Variants in OSBPL7 observed in about 807,000 individuals in gnomAD.
OSBPL7 encodes oxysterol binding protein like 7.
A neutral mutation model predicts 115.8 loss-of-function variants in OSBPL7; 66 were observed. That is an observed-to-expected ratio of 0.57 (90% CI 0.47 to 0.70). The LOEUF is 0.70. OSBPL7 is among the 30% of genes least tolerant of loss of function. The pLI is 0.00. For synonymous variants in OSBPL7, 441 were observed against 439.2 expected (o/e 1.00, Z -0.05); for missense variants, 902 against 1,125.5 (o/e 0.80, Z 2.84).
chr17:47,815,957 C>CGCTT (rs2033200806), intron 12 of OSBPL7, 150 bp downstream of exon 12: 2 of 628,298 alleles, frequency 3.2e-6, no homozygotes, highest in Non-Finnish European at 5.5e-6. Context: ...ATGGGGCTGC[C>CGCTT]GCTTACCTTA....
chr17:47,816,444 T>A lies in OSBPL7; in HGVS notation c.967A>T (p.Met323Leu). 1.3e-6 allele frequency: 2 copies of A among 1,547,798 alleles called. No individual in the cohort carries two copies. The highest frequency in any genetic ancestry group is 1.7e-6 in the Non-Finnish European group (2 of 1,145,180). The change falls in exon 11 of 23, where the codon ATG (methionine) becomes TTG (leucine). Residue 323 changes from methionine to leucine, a missense_variant. Around this residue, in one of 3 missense-constraint regions of OSBPL7, gnomAD observed 667 missense variants for 788.7 expected, o/e 0.85. Coordinates refer to ENST00000007414, the MANE Select transcript of OSBPL7 (RefSeq NM_145798.3). This position sits in a 1 kb window ranked among gnomAD's most constrained non-coding sequence, Gnocchi z 5.8. The stretch of plus-strand genomic sequence containing the variant: ...ATGTCCCTCAGTTGGTCCCGTTCCA[T>A]GGTGAGGGCGGCCAGGACGCTGCTG... ...SLSSVLAALTMERDQLRDMHQ... is the reference protein window; with the variant it reads ...SLSSVLAALTLERDQLRDMHQ...
rs369871584 is a variant in OSBPL7 at position 47,816,589 on chromosome 17, C to A, written c.902G>T (p.Arg301Leu). Residue 301 changes from arginine to leucine, a missense_variant, in exon 10 of 23, where the codon CGC (arginine) becomes CTC (leucine). This residue lies in a region of OSBPL7 where 667 missense variants were observed against 788.7 expected (regional missense o/e 0.85). Coordinates refer to ENST00000007414, the MANE Select transcript of OSBPL7 (RefSeq NM_145798.3). The surrounding 1 kb of genome is among the most constrained non-coding windows in gnomAD (Gnocchi z 5.8). ...CTTCTGGGCCAGGGCCCAGAAGCTG[C>A]GCTGCAGGTGGGCATAGTCTGTGGG... ...LPPTDYAHLQ[R>L]SFWALAQKVH... is the part of the protein sequence containing the mutation. The A allele has an allele frequency of 3.1e-6, 5 of 1,613,080 alleles. No homozygotes were observed. The East Asian group carries it at 1.1e-4, about 36-fold the overall frequency.
chr17:47,809,539 G>A, intron 18 of OSBPL7, 61 bp from the exon 19 acceptor site: 1 of 1,571,172 alleles, frequency 6.4e-7, no homozygotes, highest in Non-Finnish European at 8.7e-7. Context: ...TGAGTCAGGG[G>A]CCTCCTGTCT....
rs1241040085 is a variant in OSBPL7, at chr17:47,821,659, C to T, written c.-88+7G>A. ...GAATGTCAGCTGCTGCCACGCAGCC[C>T]CCTTACCCCAGGGTCCATGGACGCC... On this transcript the variant is annotated splice_region_variant and intron_variant, in intron 1 of 22. Coordinates refer to ENST00000007414, the MANE Select transcript of OSBPL7 (RefSeq NM_145798.3). The T allele has an allele frequency of 6.6e-6, 1 of 152,392 alleles. No homozygotes were observed. The highest frequency in any genetic ancestry group is 2.4e-5 in the African/African-American group (1 of 41,456). The allele number at this position is 152,392 out of a possible 1,614,324, so 9.4% of individuals were successfully genotyped here. A position where few individuals can be genotyped will look rare whatever the true frequency, so the allele number is the denominator to read the frequency against.
Position 47,815,285 on chromosome 17 carries a change from A to G in OSBPL7, c.1187T>C (p.Leu396Pro), listed in dbSNP as rs765444433. 6.8e-6 allele frequency: 11 copies of G among 1,613,992 alleles called. No homozygotes were observed. Among genetic ancestry groups the G allele is most frequent in the Non-Finnish European group, 9.3e-6 (11 of 1,179,994 alleles). The change falls in exon 13 of 23, where the codon CTT (leucine) becomes CCT (proline). Residue 396 changes from leucine to proline, a missense_variant. Physicochemically the swap from Leu to Pro is moderately conservative, Grantham distance 98. Transcript: ENST00000007414. ...GAAGAACTCCGTGTGGGAATCAGCA[A>G]GGGACAGGATGCTGGTCTGCGATAG... The part of the protein sequence containing the change: ...PQLSQTSILS[L>P]ADSHTEFFDA...
chr17:47,812,744 C>T (rs1335428695), intron 16 of OSBPL7, among the ~76,000 whole-genome samples: 1 of 152,246 alleles, frequency 6.6e-6, no homozygotes, highest in East Asian at 1.9e-4. Flanking sequence ...CTCCGCCAAC[C>T]AGGCACACAC....
At chr17:47,813,127 A>C (rs1212709169) in intron 16 of OSBPL7, 139 bp downstream of exon 16, 23 of 1,162,866 alleles carry the variant, frequency 2.0e-5, no homozygotes, top group Middle Eastern at 5.9e-4. Flanking sequence ...GGCCAGGAGC[A>C]CCGCAGAGCC....
intron 13 of OSBPL7, chr17:47,814,934 G>A (rs1346927881): frequency 3.6e-6 from 2 of 558,424 alleles, no homozygotes; most frequent in Non-Finnish European, 6.3e-6. Flanking sequence ...GAGTGCTGAA[G>A]CTGAGACAGG....
intron 3 of OSBPL7, 49 bp downstream of exon 3, chr17:47,819,922 C>CAAA: frequency 1.8e-6 from 1 of 566,914 alleles, no homozygotes; most frequent in Non-Finnish European, 3.0e-6. Flanking sequence ...GCCCCCCATT[C>CAAA]CCACCCCGCC....
In OSBPL7 at chr17:47,807,641, C is replaced by T. The variant is rs2032899541; in HGVS notation, c.*650G>A. On this transcript the variant is annotated 3_prime_UTR_variant, in exon 23 of 23. Coordinates refer to ENST00000007414, the MANE Select transcript of OSBPL7 (RefSeq NM_145798.3). ...CCTCCTCATGGAGAGGCCTCCTCCA[C>T]TCTGGGGGATCCGCTGAGCTGAGAC... The T allele has an allele frequency of 6.5e-6, 1 of 153,732 alleles. No homozygotes were observed. Among genetic ancestry groups the T allele is most frequent in the Non-Finnish European group, 1.4e-5 (1 of 69,106 alleles). 9.5% of individuals were successfully genotyped at this position (153,732 alleles called of 1,614,324 possible).
chr17:47,821,104 C>T (rs2033382165), intron 1 of OSBPL7, among the ~76,000 whole-genome samples: 1 of 152,136 alleles, frequency 6.6e-6, no homozygotes, highest in African/African-American at 2.4e-5. Flanking sequence ...AAGAGGGGGC[C>T]CAGGACATGC....
chr17:47,817,146 T>C, intron 8 of OSBPL7, 110 bp downstream of exon 8: 5 of 880,888 alleles, frequency 5.7e-6, no homozygotes, highest in Non-Finnish European at 8.8e-6. Context: ...AACCAGGCGA[T>C]GCATGGCTCT....
rs1354840370 is a variant in OSBPL7 at position 47,814,554 on chromosome 17, G to A, written c.1318C>T (p.Leu440=). 1.3e-6 allele frequency: 2 copies of A among 1,496,798 alleles called. No individual in the cohort carries two copies. The highest frequency in any genetic ancestry group is 1.8e-6 in the Non-Finnish European group (2 of 1,107,708). The allele number at this position is 1,496,798 out of a possible 1,614,324, so 92.7% of individuals were successfully genotyped here. A position where few individuals can be genotyped will look rare whatever the true frequency, so the allele number is the denominator to read the frequency against. ...CAGCGCTCAGCTCCCCTGAGGTCCA[G>A]CATCTCCTCAGACAGGCTGGTGGTG... ...EITTSLSEEM[L]DLRGAERCQK... The change falls in exon 14 of 23, where the codon CTG becomes TTG. Residue 440 remains leucine (L), a synonymous_variant. Transcript: ENST00000007414.
chr17:47,816,037 T>C lies in OSBPL7; in HGVS notation c.1119+70A>G. On this transcript the variant is annotated intron_variant, in intron 12 of 22. Transcript: ENST00000007414. This position sits in a 1 kb window ranked among gnomAD's most constrained non-coding sequence, Gnocchi z 5.8. ...TAAAAACCAACTTTGCCCACTGCCC[T>C]GGGCCTTGGCTTTCGCTGGGAGAGA... is the stretch of plus-strand genomic sequence containing the variant. 3 of 1,411,384 alleles carry C rather than the reference T, an allele frequency of 2.1e-6. No homozygotes were observed. The highest frequency in any genetic ancestry group is 2.9e-6 in the Non-Finnish European group (3 of 1,044,662). 87.4% of individuals were successfully genotyped at this position (1,411,384 alleles called of 1,614,324 possible).
intron 13 of OSBPL7, 161 bp from the exon 14 acceptor site, chr17:47,814,775 C>G: frequency 1.5e-6 from 1 of 657,968 alleles, no homozygotes; most frequent in South Asian, 2.0e-5. Flanking sequence ...CCCGGGATGC[C>G]TGGCATCACG....
chr17:47,815,386 G>A lies in OSBPL7; in HGVS notation c.1120-34C>T, dbSNP rs866891175. ...GCAGCCAGATGGATGTCAGGCTCCG[G>A]GGCCAAGCCGGGGGGATCAAGCAGG... On this transcript the variant is annotated intron_variant, in intron 12 of 22. Coordinates refer to ENST00000007414, the MANE Select transcript of OSBPL7 (RefSeq NM_145798.3). 5 of 1,611,130 alleles carry A rather than the reference G, an allele frequency of 3.1e-6. No homozygotes were observed. In the Middle Eastern group the frequency reaches 8.3e-4, roughly 266 times the overall value.
intron 18 of OSBPL7, among the ~76,000 whole-genome samples, chr17:47,809,740 C>A (rs1469806834): frequency 6.6e-6 from 1 of 152,182 alleles, no homozygotes; most frequent in Admixed American, 6.5e-5. Flanking sequence ...AGTGTCCTGC[C>A]CCTGGGCACC....
At position 47,819,063 on chromosome 17, in the gene OSBPL7, G is replaced by A. The variant is rs748431145; in HGVS notation, c.292C>T (p.Arg98Trp). ...TTGTTGATGGACATGACCGACAGCC[G>A]GACATCGATGGAGCCATGGAGCTTC... ...KGKLHGSIDV[R>W]LSVMSINKKA... Residue 98 changes from arginine to tryptophan, a missense_variant, in exon 5 of 23, where the codon CGG becomes TGG. This residue lies in a region of OSBPL7 where 667 missense variants were observed against 788.7 expected (regional missense o/e 0.85). Coordinates refer to ENST00000007414, the MANE Select transcript of OSBPL7 (RefSeq NM_145798.3). 6.8e-6 allele frequency: 11 copies of A among 1,613,940 alleles called. No individual in the cohort carries two copies. The highest frequency in any genetic ancestry group is 3.3e-5 in the Admixed American group (2 of 59,996).
chr17:47,820,361 G>T lies in OSBPL7; in HGVS notation c.-83C>A. On this transcript the variant is annotated 5_prime_UTR_variant, in exon 2 of 23. Transcript: ENST00000007414. Reference sequence around the variant, plus strand: ...GGAAGGATGTCACCTGCTCCTGACGGGGTCCTTGAAGCAAGAGAAAGACCC... The same window carrying T: ...GGAAGGATGTCACCTGCTCCTGACGTGGTCCTTGAAGCAAGAGAAAGACCC... The T allele has an allele frequency of 7.2e-7, 1 of 1,388,878 alleles. No homozygotes were observed. The highest frequency in any genetic ancestry group is 2.4e-5 in the East Asian group (1 of 42,174). The allele number at this position is 1,388,878 out of a possible 1,614,324, so 86.0% of individuals were successfully genotyped here.
Sources: allele counts gnomAD v4.1 joint callset (sites outside exome capture counted in the v4.1 genomes callset), GRCh38; gene constraint gnomAD v4.1.1; regional missense constraint gnomAD v4.1.1; non-coding constraint Gnocchi (gnomAD v3.1); transcripts MANE v1.5; gene names NCBI Gene and HGNC (gene_info 2026-07-23, HGNC 2026-07-21).